The following MS4A4E variants were observed in gnomAD, a reference collection of about 807,000 sequenced individuals.
MS4A4E encodes the protein membrane spanning 4-domains A4E.
MS4A4E carries 23 observed loss-of-function variants against 13.3 expected under a neutral mutation model. The ratio of observed to expected loss-of-function variants is 1.73; its 90% CI spans 1.25 to 2.45. MS4A4E has a LOEUF of 2.45. MS4A4E is among the 30% of genes most tolerant of loss of function. The pLI, the probability that MS4A4E is intolerant of heterozygous loss-of-function variation, is 0.00. For missense variants in MS4A4E, 144 were observed against 131.2 expected (o/e 1.10, Z -0.48); for synonymous variants, 36 against 45.6 (o/e 0.79, Z 0.85).
chr11:60,223,118 G>T (rs612738), intron 3 of MS4A4E, among the ~76,000 whole-genome samples: 62,462 of 151,900 alleles, frequency 0.41, 13,233 homozygotes, highest in Admixed American at 0.41. Flanking sequence ...GGTGGTAGAA[G>T]AAGGCTGTCA....
At chr11:60,234,787 C>CA (rs202134102) in intron 1 of MS4A4E, among the ~76,000 whole-genome samples, 120 of 69,418 alleles carry the variant, frequency 1.7e-3, no homozygotes, top group Admixed American at 3.4e-3. Flanking sequence ...ACCCCCCCCC[C>CA]CAAAATAACA....
At chr11:60,241,674 T>A (rs2084553600) in intron 1 of MS4A4E, among the ~76,000 whole-genome samples, 1 of 152,122 alleles carries the variant, frequency 6.6e-6, no homozygotes, top group Admixed American at 6.5e-5. Context: ...GTAGATAAGG[T>A]CCCCAAGGAA....
intron 6 of MS4A4E, chr11:60,206,695 TG>T: frequency 4.3e-6 from 1 of 232,392 alleles, no homozygotes. Flanking sequence ...TTAAGTGGTG[TG>T]GGAGATGCTA....
intron 8 of MS4A4E, among the ~76,000 whole-genome samples, chr11:60,202,405 T>C (rs940119207): frequency 6.6e-6 from 1 of 152,236 alleles, no homozygotes; most frequent in Non-Finnish European, 1.5e-5. Context: ...ATATAGAATG[T>C]ATGGGAGCTT....
At chr11:60,231,969 TTAAAGA>T (rs112600796) in intron 1 of MS4A4E, among the ~76,000 whole-genome samples, 60,509 of 151,180 alleles carry the variant, frequency 0.4, 12,443 homozygotes, top group Non-Finnish European at 0.41. Context: ...AAATGAAAAG[TTAAAGA>T]TAAAGTGCAA....
intron 2 of MS4A4E, among the ~76,000 whole-genome samples, chr11:60,229,425 C>T (rs1052023074): frequency 1.3e-5 from 2 of 152,212 alleles, no homozygotes; most frequent in Non-Finnish European, 2.9e-5. Flanking sequence ...CCTTCCCTAA[C>T]CTGTCACTGT....
chr11:60,219,430 G>T (rs540515747), intron 3 of MS4A4E, among the ~76,000 whole-genome samples: 1 of 151,666 alleles, frequency 6.6e-6, no homozygotes, highest in South Asian at 2.1e-4. Context: ...CTCTGGTATT[G>T]GCTAATTAAT....
intron 5 of MS4A4E, chr11:60,209,266 C>T (rs2084089492): frequency 6.6e-6 from 1 of 152,180 alleles, no homozygotes; most frequent in Non-Finnish European, 1.5e-5. Context: ...AAAGTAATGA[C>T]AGAATCCTTA....
At chr11:60,210,326 C>A (rs939632554) in intron 5 of MS4A4E, among the ~76,000 whole-genome samples, 1 of 152,002 alleles carries the variant, frequency 6.6e-6, no homozygotes, top group African/African-American at 2.4e-5. Flanking sequence ...TTATGGAGGT[C>A]CCCTGCTATA....
Position 60,242,969 on chromosome 11 carries a change from C to A in MS4A4E, c.-28G>T. ...GTCCCTGGACCTACCTTTCTTCAGG[C>A]CTGCAATGTCTGCTGCAGGTCTGAT... is the stretch of plus-strand genomic sequence containing the variant. On this transcript the variant is annotated 5_prime_UTR_variant, in exon 1 of 9. Coordinates refer to ENST00000651255, the MANE Select transcript of MS4A4E (RefSeq NM_001393391.1). The A allele has an allele frequency of 6.3e-7, 1 of 1,579,234 alleles. No homozygotes were observed. Among genetic ancestry groups the A allele is most frequent in the Non-Finnish European group, 8.7e-7 (1 of 1,152,882 alleles).
chr11:60,201,233 G>A lies in MS4A4E; in HGVS notation c.*310C>T, dbSNP rs1403362352. Reference sequence around the variant, plus strand: ...ACCTCCCGGACGGGGCGGCTGGCCGGGCGGGGGGCTGACCCCCCCCACCTC... The same window carrying A: ...ACCTCCCGGACGGGGCGGCTGGCCGAGCGGGGGGCTGACCCCCCCCACCTC... On this transcript the variant is annotated 3_prime_UTR_variant, in exon 9 of 9. Transcript: ENST00000651255. The A allele has an allele frequency of 6.6e-6, 1 of 151,932 alleles. No individual in the cohort carries two copies. Among genetic ancestry groups the A allele is most frequent in the African/African-American group, 2.5e-5 (1 of 39,928 alleles). The allele number at this position is 151,932 out of a possible 1,614,324, so 9.4% of individuals were successfully genotyped here. A position where few individuals can be genotyped will look rare whatever the true frequency, so the allele number is the denominator to read the frequency against.
At chr11:60,235,013 T>A (rs2084465601) in intron 1 of MS4A4E, among the ~76,000 whole-genome samples, 1 of 152,052 alleles carries the variant, frequency 6.6e-6, no homozygotes, top group African/African-American at 2.4e-5. Flanking sequence ...TGTACTTAGG[T>A]CAGATAAAAT....
At chr11:60,235,563 CT>C (rs1309072945) in intron 1 of MS4A4E, among the ~76,000 whole-genome samples, 2 of 152,174 alleles carry the variant, frequency 1.3e-5, no homozygotes, top group Non-Finnish European at 2.9e-5. Flanking sequence ...CATACTGTCC[CT>C]TGCACCACCT....
At chr11:60,220,951 T>C (rs937014956) in intron 3 of MS4A4E, among the ~76,000 whole-genome samples, 7 of 152,150 alleles carry the variant, frequency 4.6e-5, no homozygotes, top group Admixed American at 3.3e-4. Context: ...CAAACTGCTA[T>C]GCAAGTTGCT....
chr11:60,230,994 AG>A (rs1424925862), intron 1 of MS4A4E, among the ~76,000 whole-genome samples: 3 of 152,178 alleles, frequency 2.0e-5, no homozygotes, highest in African/African-American at 4.8e-5. Flanking sequence ...TGAAAAAAAA[AG>A]TTATTGTAGT....
At chr11:60,210,516 A>T (rs1399246356) in intron 5 of MS4A4E, among the ~76,000 whole-genome samples, 1 of 152,250 alleles carries the variant, frequency 6.6e-6, no homozygotes, top group Admixed American at 6.5e-5. Flanking sequence ...ATAGTTGATC[A>T]TTGGCAATTT....
At chr11:60,202,206 T>C (rs1276554927) in intron 8 of MS4A4E, among the ~76,000 whole-genome samples, 1 of 152,184 alleles carries the variant, frequency 6.6e-6, no homozygotes, top group Non-Finnish European at 1.5e-5. Context: ...GTTGAGATGA[T>C]CTAAAGGAAA....
intron 3 of MS4A4E, among the ~76,000 whole-genome samples, chr11:60,215,998 G>T (rs1007385124): frequency 1.3e-5 from 2 of 152,094 alleles, no homozygotes; most frequent in Admixed American, 1.3e-4. Flanking sequence ...AACAAAGAAT[G>T]TGAAACATAA....
At chr11:60,207,892 C>T (rs1269491148) in intron 6 of MS4A4E, among the ~76,000 whole-genome samples, 2 of 152,168 alleles carry the variant, frequency 1.3e-5, no homozygotes, top group African/African-American at 4.8e-5. Flanking sequence ...TGGGCACAGA[C>T]TGATAGAGAA....
Sources: allele counts gnomAD v4.1 joint callset (sites outside exome capture counted in the v4.1 genomes callset), GRCh38; gene constraint gnomAD v4.1.1; transcripts MANE v1.5; gene names NCBI Gene and HGNC (gene_info 2026-07-23, HGNC 2026-07-21).